Variants in ZNF225 observed in about 807,000 individuals in gnomAD.
ZNF225 encodes the protein zinc finger protein 225.
ZNF225 carries 6 observed loss-of-function variants against 12.0 expected under a neutral mutation model. The observed-to-expected ratio is 0.50, with a 90% CI of 0.27 to 0.98. ZNF225 has a LOEUF of 0.98. Among genes scored for constraint, ZNF225 ranks in the 50% least tolerant of loss-of-function variants. The probability of loss-of-function intolerance (pLI) is 0.11; values close to 1 mark genes in which losing one functional copy is unlikely to be tolerated. For synonymous variants in ZNF225, 271 were observed against 283.2 expected, an observed-to-expected ratio of 0.96 and a Z score of 0.43; for missense variants, 763 against 848.2, an observed-to-expected ratio of 0.90 and a Z score of 1.25.
In ZNF225 at chr19:44,133,840, C is replaced by T. The variant is rs1166478400; in HGVS notation, c.*1105C>T. ...GATTTGATTTTTATAATCAAATCTA[C>T]CAGAGATAGATTTGATTTTTATAAT... On this transcript the variant is annotated 3_prime_UTR_variant, in exon 5 of 5. Transcript: ENST00000262894. 1 of 123,814 alleles carries T rather than the reference C, an allele frequency of 8.1e-6. No individual in the cohort carries two copies. Among genetic ancestry groups the T allele is most frequent in the Admixed American group, 7.5e-5 (1 of 13,370 alleles). 7.7% of individuals were successfully genotyped at this position (123,814 alleles called of 1,614,324 possible). A position where few individuals can be genotyped will look rare whatever the true frequency, so the allele number is the denominator to read the frequency against.
chr19:44,130,700 CAAAAA>C (rs775988972), intron 4 of ZNF225, 145 bp from the exon 5 acceptor site: 373 of 169,764 alleles, frequency 2.2e-3, no homozygotes, highest in Admixed American at 3.7e-3. Context: ...GACTCCATCT[CAAAAA>C]AAAAAAAAAA....
In ZNF225 at chr19:44,133,004, T is replaced by G. The variant is rs1326664980; in HGVS notation, c.*269T>G. 3.4e-6 allele frequency: 1 copy of G among 290,266 alleles called. No individual in the cohort carries two copies. The highest frequency in any genetic ancestry group is 2.2e-5 in the African/African-American group (1 of 45,356). 18.0% of individuals were successfully genotyped at this position (290,266 alleles called of 1,614,324 possible). On this transcript the variant is annotated 3_prime_UTR_variant, in exon 5 of 5. Coordinates refer to ENST00000262894, the MANE Select transcript of ZNF225 (RefSeq NM_013362.4). Reference sequence around the variant, plus strand: ...ACCAACCTTTGGCTACCACCCTGCCTCCTCACCTCTAAGAACTACTATTCT... The same window carrying G: ...ACCAACCTTTGGCTACCACCCTGCCGCCTCACCTCTAAGAACTACTATTCT...
chr19:44,131,846 C>A lies in ZNF225; in HGVS notation c.1232C>A (p.Thr411Lys). Residue 411 changes from threonine to lysine, a missense_variant, in exon 5 of 5, where the codon ACA becomes AAA. Transcript: ENST00000262894. The stretch of plus-strand genomic sequence containing the variant: ...GAAGAATGTGGGAAGGGATTTTATA[C>A]AAATTCACAACGTTATTCTCACCAG... Reference protein sequence around the residue: ...KCEECGKGFYTNSQRYSHQRA... With the variant: ...KCEECGKGFYKNSQRYSHQRA... 6.2e-7 allele frequency: 1 copy of A among 1,612,754 alleles called. No homozygotes were observed. Among genetic ancestry groups the A allele is most frequent in the Non-Finnish European group, 8.5e-7 (1 of 1,179,624 alleles).
chr19:44,120,147 G>A (rs1189296138), intron 4 of ZNF225, among the ~76,000 whole-genome samples: 1 of 152,202 alleles, frequency 6.6e-6, no homozygotes, highest in Non-Finnish European at 1.5e-5. Context: ...AACCCAGGAA[G>A]CGGAGGTTGC....
chr19:44,132,604 A>G lies in ZNF225; in HGVS notation c.1990A>G (p.Ser664Gly), dbSNP rs753249494. The change falls in exon 5 of 5, where the codon AGT becomes GGT. Residue 664 changes from serine (S) to glycine (G), a missense_variant. Ser to Gly is a moderately conservative substitution (Grantham distance 56). Coordinates refer to ENST00000262894, the MANE Select transcript of ZNF225 (RefSeq NM_013362.4). Reference protein sequence around the residue: ...CEDCGKSIVHSSCLKDQQRDQ... With the variant: ...CEDCGKSIVHGSCLKDQQRDQ... The stretch of plus-strand genomic sequence containing the variant: ...GGACTGTGGGAAGAGCATTGTGCAC[A>G]GTTCATGCCTTAAAGACCAACAAAG... The G allele has an allele frequency of 5.6e-6, 9 of 1,614,090 alleles. No homozygotes were observed. In the East Asian group the frequency reaches 1.8e-4, roughly 32 times the overall value.
Position 44,132,909 on chromosome 19 carries a change from C to A in ZNF225, c.*174C>A. On this transcript the variant is annotated 3_prime_UTR_variant, in exon 5 of 5. Transcript: ENST00000262894. ...TTTGAAAATAATACGTTGTTAATTA[C>A]TGTCACCCTGTAGTGGTGTAAAACA... 1 of 587,466 alleles carries A rather than the reference C, an allele frequency of 1.7e-6. No homozygotes were observed. 36.4% of individuals were successfully genotyped at this position (587,466 alleles called of 1,614,324 possible).
At position 44,131,225 on chromosome 19, in the gene ZNF225, A is replaced by G. The variant is rs1186536501; in HGVS notation, c.611A>G (p.Tyr204Cys). 5.6e-6 allele frequency: 9 copies of G among 1,614,206 alleles called. No homozygotes were observed. The highest frequency in any genetic ancestry group is 7.6e-6 in the Non-Finnish European group (9 of 1,180,032). ...AGAGTTCACATGGGGGAGAAACTCTATAATTGTGATGTGTGTGGTAAGGAA... is the reference window on the plus strand; with the variant it reads ...AGAGTTCACATGGGGGAGAAACTCTGTAATTGTGATGTGTGTGGTAAGGAA... ...HQRVHMGEKL[Y>C]NCDVCGKEFN... is the part of the protein sequence containing the mutation. Residue 204 changes from tyrosine to cysteine, a missense_variant, in exon 5 of 5, where the codon TAT becomes TGT. By Grantham distance (194) the Tyr-to-Cys change is radical. Coordinates refer to ENST00000262894, the MANE Select transcript of ZNF225 (RefSeq NM_013362.4).
At chr19:44,117,816 T>G (rs926429378) in intron 2 of ZNF225, among the ~76,000 whole-genome samples, 14 of 152,140 alleles carry the variant, frequency 9.2e-5, no homozygotes, top group Admixed American at 9.2e-4. Flanking sequence ...GTCAGGAGTT[T>G]GAGACCAGCC....
upstream of ZNF225, chr19:44,112,182 T>C (rs966728308): frequency 6.6e-6 from 1 of 152,198 alleles, no homozygotes; most frequent in Non-Finnish European, 1.5e-5. Flanking sequence ...AATCTTCTTA[T>C]GCAAATAGGC....
intron 1 of ZNF225, among the ~76,000 whole-genome samples, chr19:44,114,800 G>A: frequency 6.6e-6 from 1 of 152,202 alleles, no homozygotes; most frequent in East Asian, 1.9e-4. Context: ...ATGAGCCACC[G>A]TGCCCAGCCT....
intron 2 of ZNF225, among the ~76,000 whole-genome samples, chr19:44,117,925 G>A (rs1330738511): frequency 2.6e-5 from 4 of 152,064 alleles, no homozygotes; most frequent in Non-Finnish European, 4.4e-5. Flanking sequence ...AGGCTGAGGC[G>A]GGAGGATCAC....
rs747850207 is a variant in ZNF225 at position 44,130,889 on chromosome 19, C to T, written c.275C>T (p.Ser92Leu). 17 of 1,613,522 alleles carry T rather than the reference C, an allele frequency of 1.1e-5. No individual in the cohort carries two copies. Among genetic ancestry groups the T allele is most frequent in the Middle Eastern group, 3.3e-4 (2 of 6,084 alleles). ...IQMEMETVSE[S>L]GTHEGLFSHQ... ...ATGGAGATGGAGACTGTTTCAGAAT[C>T]AGGAACACATGAAGGCTTGTTCAGT... Residue 92 changes from serine (S) to leucine (L), a missense_variant, in exon 5 of 5, where the codon TCA (serine) becomes TTA (leucine). By Grantham distance (145) the Ser-to-Leu change is moderately radical. Coordinates refer to ENST00000262894, the MANE Select transcript of ZNF225 (RefSeq NM_013362.4).
At chr19:44,128,865 T>C in intron 4 of ZNF225, 1 of 399,706 alleles carries the variant, frequency 2.5e-6, no homozygotes, top group Non-Finnish European at 4.4e-6. Context: ...AAAATGGGTA[T>C]AAAGGTCTGT....
chr19:44,118,169 C>T lies in ZNF225; in HGVS notation c.16-19C>T. On this transcript the variant is annotated intron_variant, in intron 2 of 4. Transcript: ENST00000262894. ...GTCATTGGTCATGAGACTGAGGTTG[C>T]ATATGTTCGATGCTGTAGGAGGCAG... 6.2e-7 allele frequency: 1 copy of T among 1,604,942 alleles called. No homozygotes were observed. The highest frequency in any genetic ancestry group is 1.1e-5 in the South Asian group (1 of 90,252).
Position 44,118,268 on chromosome 19 carries a change from G to C in ZNF225, c.96G>C (p.Leu32=), listed in dbSNP as rs569516660. Residue 32 remains leucine (L), a synonymous_variant, in exon 3 of 5, where the codon CTG becomes CTC. Coordinates refer to ENST00000262894, the MANE Select transcript of ZNF225 (RefSeq NM_013362.4). ...TGCTGGACCTTGCCCAGAGGAAACT[G>C]TACCGAGAAGTGATGCTGGAGAACT... ...LRLLDLAQRK[L]YREVMLENFR... is the part of the protein sequence containing the mutation. 3.1e-6 allele frequency: 5 copies of C among 1,613,392 alleles called. No homozygotes were observed. In the East Asian group the frequency reaches 1.1e-4, roughly 36 times the overall value.
chr19:44,118,708 G>A (rs921589592), intron 4 of ZNF225, 134 bp downstream of exon 4: 168 of 874,838 alleles, frequency 1.9e-4, no homozygotes, highest in Admixed American at 1.2e-4. Flanking sequence ...ACTTTCGGCT[G>A]GTTTCCCTGC....
chr19:44,129,486 G>T, intron 4 of ZNF225: 1 of 155,872 alleles, frequency 6.4e-6, no homozygotes, highest in East Asian at 1.9e-4. Flanking sequence ...CAAGATTAAG[G>T]TGTGACATTA....
chr19:44,118,162 G>A, intron 2 of ZNF225, 26 bp from the exon 3 acceptor site: 2 of 1,601,396 alleles, frequency 1.2e-6, no homozygotes, highest in Non-Finnish European at 1.7e-6. Context: ...TCATGAGACT[G>A]AGGTTGCATA....
chr19:44,112,165 C>T (rs1967844791), upstream of ZNF225: 1 of 152,088 alleles, frequency 6.6e-6, no homozygotes, highest in Non-Finnish European at 1.5e-5. Flanking sequence ...GCTGGTCGCC[C>T]CACCCTAATC....
Sources: gnomAD v4.1 joint callset for allele counts (sites outside exome capture counted in the v4.1 genomes callset) on GRCh38, gnomAD v4.1.1 for gene constraint, MANE v1.5 for transcripts, NCBI Gene and HGNC (gene_info 2026-07-23, HGNC 2026-07-21) for gene names.